KCNIP1: variants seen among roughly 807,000 people sequenced by gnomAD.
KCNIP1 encodes the protein A-type potassium channel modulatory protein KCNIP1.
KCNIP1 carries 18 observed loss-of-function variants against 33.0 expected under a neutral mutation model. That is an observed-to-expected ratio of 0.55 (90% CI 0.38 to 0.81). The LOEUF (loss-of-function observed/expected upper bound fraction) is 0.81. KCNIP1 is among the 30% of genes least tolerant of loss of function. The probability of loss-of-function intolerance (pLI) is 0.00; values close to 1 mark genes in which losing one functional copy is unlikely to be tolerated. For synonymous variants in KCNIP1, 93 were observed against 98.3 expected, an observed-to-expected ratio of 0.95 and a Z score of 0.32; for missense variants, 238 against 271.6, an observed-to-expected ratio of 0.88 and a Z score of 0.87.
intron 1 of KCNIP1, among the ~76,000 whole-genome samples, chr5:170,575,866 C>G (rs1180637446): frequency 6.6e-6 from 1 of 152,126 alleles, no homozygotes; most frequent in Non-Finnish European, 1.5e-5. Flanking sequence ...AGGTGGAAAA[C>G]TTTTTTTTCG....
chr5:170,367,691 C>G (rs898919571), intron 1 of KCNIP1, among the ~76,000 whole-genome samples: 4 of 152,224 alleles, frequency 2.6e-5, no homozygotes. Flanking sequence ...CTGTCACTCC[C>G]TTTCCACTCT....
chr5:170,385,446 A>T (rs777354016), intron 1 of KCNIP1: 11 of 1,614,136 alleles, frequency 6.8e-6, no homozygotes, highest in Admixed American at 1.7e-5. Flanking sequence ...CTTCTTCACC[A>T]TATTCACTGG....
At chr5:170,388,244 A>C (rs1164252611) in intron 1 of KCNIP1, among the ~76,000 whole-genome samples, 2 of 152,222 alleles carry the variant, frequency 1.3e-5, no homozygotes, top group Non-Finnish European at 1.5e-5. Context: ...TGTTGCCTGC[A>C]CTGAGTGAGT....
chr5:170,468,264 T>A (rs1484918288), intron 1 of KCNIP1, among the ~76,000 whole-genome samples: 1 of 152,160 alleles, frequency 6.6e-6, no homozygotes, highest in Non-Finnish European at 1.5e-5. Context: ...TTGAAGTACT[T>A]AAAAAGGAAT....
intron 1 of KCNIP1, among the ~76,000 whole-genome samples, chr5:170,701,733 C>T (rs567822778): frequency 8.5e-5 from 13 of 152,152 alleles, no homozygotes; most frequent in African/African-American, 2.7e-4. Context: ...TATATGCCAG[C>T]GCTCTATCTG....
intron 1 of KCNIP1, among the ~76,000 whole-genome samples, chr5:170,371,171 C>T (rs1763832902): frequency 6.6e-6 from 1 of 152,150 alleles, no homozygotes; most frequent in Non-Finnish European, 1.5e-5. Context: ...CATGGTGTGC[C>T]TGGGTTCCAG....
intron 1 of KCNIP1, among the ~76,000 whole-genome samples, chr5:170,366,359 T>TG (rs1030117433): frequency 6.6e-5 from 10 of 152,336 alleles, no homozygotes; most frequent in African/African-American, 2.4e-4. Flanking sequence ...CACTGCACCC[T>TG]GGGTCAGAGC....
chr5:170,647,905 T>C (rs989414153), intron 1 of KCNIP1, among the ~76,000 whole-genome samples: 1 of 152,106 alleles, frequency 6.6e-6, no homozygotes, highest in African/African-American at 2.4e-5. Context: ...ATTCAAAGCA[T>C]ACAAAGAACT....
At chr5:170,376,150 CTTTTTTTTTTTTTTT>C (rs397885011) in intron 1 of KCNIP1, 3 of 70,650 alleles carry the variant, frequency 4.2e-5, no homozygotes, top group Middle Eastern at 8.3e-3. Flanking sequence ...ATGACTTATT[CTTTTTTTTTTTTTTT>C]TTTTTTTTTT....
chr5:170,684,006 C>A (rs747981069), intron 1 of KCNIP1, among the ~76,000 whole-genome samples: 2 of 151,824 alleles, frequency 1.3e-5, no homozygotes, highest in Non-Finnish European at 2.9e-5. Context: ...ATCCACCTGC[C>A]GAGGCCTCCC....
intron 1 of KCNIP1, among the ~76,000 whole-genome samples, chr5:170,381,954 G>C (rs1455200591): frequency 1.3e-5 from 2 of 152,092 alleles, no homozygotes; most frequent in Non-Finnish European, 1.5e-5. Context: ...CAGAACACCT[G>C]ACCATCCTGC....
intron 1 of KCNIP1, among the ~76,000 whole-genome samples, chr5:170,607,825 C>T (rs961494631): frequency 6.6e-6 from 1 of 152,146 alleles, no homozygotes; most frequent in Non-Finnish European, 1.5e-5. Context: ...GCAGCGATCC[C>T]TAAGGTGGAG....
intron 1 of KCNIP1, among the ~76,000 whole-genome samples, chr5:170,435,777 G>A (rs1285643288): frequency 2.0e-5 from 3 of 152,196 alleles, no homozygotes; most frequent in Admixed American, 2.0e-4. Context: ...CAATGCTATT[G>A]TTTTTCAGGT....
At chr5:170,358,836 G>C (rs570106232) in intron 1 of KCNIP1, among the ~76,000 whole-genome samples, 41 of 152,168 alleles carry the variant, frequency 2.7e-4, no homozygotes, top group Non-Finnish European at 5.4e-4. Flanking sequence ...GTGAGTGGCA[G>C]AGCTGGGATT....
intron 1 of KCNIP1, among the ~76,000 whole-genome samples, chr5:170,457,311 AG>A (rs1189150324): frequency 6.6e-6 from 1 of 152,172 alleles, no homozygotes; most frequent in African/African-American, 2.4e-5. Context: ...GCAAAACTGC[AG>A]GGGCCACCAC....
chr5:170,508,702 C>T (rs1754812097), intron 1 of KCNIP1, among the ~76,000 whole-genome samples: 1 of 152,158 alleles, frequency 6.6e-6, no homozygotes, highest in Admixed American at 6.5e-5. Context: ...TAATGCTCTC[C>T]CACCCCACCC....
At chr5:170,364,880 A>G (rs1401689678) in intron 1 of KCNIP1, among the ~76,000 whole-genome samples, 3 of 152,204 alleles carry the variant, frequency 2.0e-5, no homozygotes, top group East Asian at 3.8e-4. Flanking sequence ...GTCTCTTTTC[A>G]TAGTTACCTT....
chr5:170,640,239 A>G (rs769128275), intron 1 of KCNIP1, among the ~76,000 whole-genome samples: 4 of 152,256 alleles, frequency 2.6e-5, no homozygotes, highest in Non-Finnish European at 5.9e-5. Context: ...CTCCTGAGAC[A>G]GGGACAGTGG....
chr5:170,581,241 G>A (rs534736125), intron 1 of KCNIP1, among the ~76,000 whole-genome samples: 10 of 152,306 alleles, frequency 6.6e-5, no homozygotes, highest in African/African-American at 1.9e-4. Context: ...TGAAGACACC[G>A]AGGCCTGCAG....
Sources: gnomAD v4.1 joint callset for allele counts (sites outside exome capture counted in the v4.1 genomes callset) on GRCh38, gnomAD v4.1.1 for gene constraint, MANE v1.5 for transcripts, NCBI Gene and HGNC (gene_info 2026-07-23, HGNC 2026-07-21) for gene names.